EFCAB6: variants seen among roughly 807,000 people sequenced by gnomAD.
EFCAB6 encodes the protein EF-hand calcium-binding domain-containing protein 6.
A neutral mutation model predicts 169.8 loss-of-function variants in EFCAB6; 156 were observed. The ratio of observed to expected loss-of-function variants is 0.92; its 90% confidence interval spans 0.81 to 1.05. The LOEUF (loss-of-function observed/expected upper bound fraction) is 1.05, where lower values mean the gene tolerates loss of function less well. Among genes scored for constraint, EFCAB6 ranks in the 50% least tolerant of loss-of-function variants. EFCAB6 has a pLI of 0.00. For synonymous variants in EFCAB6, 698 were observed against 676.4 expected (o/e 1.03, Z -0.50); for missense variants, 1,800 against 1,829.1 (o/e 0.98, Z 0.29).
At chr22:43,620,100 T>C (rs142710006) in intron 20 of EFCAB6, among the ~76,000 whole-genome samples, 7 of 152,268 alleles carry the variant, frequency 4.6e-5, no homozygotes, top group African/African-American at 1.7e-4. Context: ...GGAGGATTGC[T>C]TGAACTCAGG....
chr22:43,713,576 T>C (rs948947646), intron 9 of EFCAB6, among the ~76,000 whole-genome samples: 5 of 152,102 alleles, frequency 3.3e-5, no homozygotes, highest in Admixed American at 1.3e-4. Flanking sequence ...ATACTGCCCA[T>C]TGAGCCTGAG....
At chr22:43,530,522 G>T (rs1484110586) in intron 31 of EFCAB6, 1 of 985,312 alleles carries the variant, frequency 1.0e-6, no homozygotes, top group East Asian at 1.1e-4. Flanking sequence ...AGCAGTGATG[G>T]CAGTGCCTTA....
Position 43,775,342 on chromosome 22 carries a change from G to A in EFCAB6, c.140-2239C>T, listed in dbSNP as rs879379690. Among the ~76,000 whole-genome samples, 4 of 152,268 alleles carry A rather than the reference G, an allele frequency of 2.6e-5. 1 individual carries two copies. Among genetic ancestry groups the A allele is most frequent in the South Asian group, 2.1e-4 (1 of 4,824 alleles). On this transcript the variant is annotated intron_variant, in intron 3 of 31. Coordinates refer to ENST00000262726, the MANE Select transcript of EFCAB6 (RefSeq NM_022785.4). ...GGGCATACGCTCCCCACTTGAATCC[G>A]GTGGGCCCATGACTATGGCAGAATG...
At chr22:43,540,457 G>C in intron 27 of EFCAB6, 100 bp from the exon 28 acceptor site, 1 of 1,587,384 alleles carries the variant, frequency 6.3e-7, no homozygotes, top group Non-Finnish European at 8.5e-7. Context: ...CTCGCAGGAG[G>C]TGAGCACTCA....
chr22:43,757,234 C>T (rs957238401), intron 5 of EFCAB6, among the ~76,000 whole-genome samples: 14 of 152,196 alleles, frequency 9.2e-5, no homozygotes, highest in African/African-American at 3.4e-4. Flanking sequence ...ATACAAAACG[C>T]TATTTGTAAA....
chr22:43,605,872 T>C (rs1033128385), intron 22 of EFCAB6, among the ~76,000 whole-genome samples: 3 of 152,234 alleles, frequency 2.0e-5, no homozygotes, highest in African/African-American at 7.2e-5. Flanking sequence ...TTTGAAAATG[T>C]AGATATTGCA....
intron 10 of EFCAB6, among the ~76,000 whole-genome samples, chr22:43,698,083 C>A (rs974616581): frequency 6.6e-6 from 1 of 152,100 alleles, no homozygotes; most frequent in African/African-American, 2.4e-5. Flanking sequence ...AGTCAGCTTC[C>A]CCAGAAAACT....
intron 2 of EFCAB6, among the ~76,000 whole-genome samples, chr22:43,806,208 G>T (rs1292611132): frequency 6.8e-6 from 1 of 146,898 alleles, no homozygotes; most frequent in Non-Finnish European, 1.5e-5. Flanking sequence ...GGAGGGGAGG[G>T]GAAGGGAAAA....
intron 24 of EFCAB6, among the ~76,000 whole-genome samples, chr22:43,588,120 A>G (rs2051198929): frequency 6.6e-6 from 1 of 152,198 alleles, no homozygotes; most frequent in African/African-American, 2.4e-5. Flanking sequence ...AGTTTTAAAG[A>G]TACTGACATT....
chr22:43,642,169 G>A (rs908282875), intron 17 of EFCAB6, among the ~76,000 whole-genome samples: 11 of 152,150 alleles, frequency 7.2e-5, no homozygotes, highest in East Asian at 3.9e-4. Flanking sequence ...TCAAACTCCC[G>A]ACCGCAGGTT....
At chr22:43,753,837 T>C (rs150637627) in intron 6 of EFCAB6, among the ~76,000 whole-genome samples, 92 of 152,308 alleles carry the variant, frequency 6.0e-4, no homozygotes, top group Non-Finnish European at 8.4e-4. Context: ...TTCAGAGACA[T>C]CTGCATGCAT....
intron 17 of EFCAB6, among the ~76,000 whole-genome samples, chr22:43,642,490 C>A (rs12157758): frequency 1.3e-5 from 2 of 152,144 alleles, no homozygotes; most frequent in Non-Finnish European, 2.9e-5. Flanking sequence ...GCTCCTCCCC[C>A]ACCTATACAC....
At position 43,734,482 on chromosome 22, in the gene EFCAB6, ACAGT is replaced by A. The variant is rs1373121945; in HGVS notation, c.644+1371_644+1374del. 3.3e-5 allele frequency among the ~76,000 whole-genome samples: 5 copies of A among 152,300 alleles called. No homozygotes were observed. In the East Asian group the frequency reaches 9.6e-4, roughly 29 times the overall value. ...CAATACTTATGAGATGGGGAAACAG[ACAGT>A]AACATTTTTTATAGATTTACTAGGT... is the stretch of plus-strand genomic sequence containing the variant. On this transcript the variant is annotated intron_variant, in intron 7 of 31. Transcript: ENST00000262726.
chr22:43,649,470 A>T (rs570234956), intron 17 of EFCAB6, among the ~76,000 whole-genome samples: 33 of 152,364 alleles, frequency 2.2e-4, no homozygotes, highest in Admixed American at 1.5e-3. Context: ...CAGTATTTTT[A>T]AAAAAGCAAA....
At chr22:43,729,159 A>C (rs1223028342) in intron 8 of EFCAB6, among the ~76,000 whole-genome samples, 2 of 152,126 alleles carry the variant, frequency 1.3e-5, no homozygotes, top group East Asian at 3.8e-4. Context: ...GCAAGAACCC[A>C]CTCATTACCA....
In EFCAB6 at chr22:43,563,085, G is replaced by C. The variant is rs986520517; in HGVS notation, c.3421-7989C>G. 2.6e-5 allele frequency among the ~76,000 whole-genome samples: 4 copies of C among 152,300 alleles called. No individual in the cohort carries two copies. In the Middle Eastern group the frequency reaches 0.01, roughly 389 times the overall value. ...CCTGCCCTTGTTCAGCGCCTCACAGGGTGCGCTCCTGAGCAGCAGGCAGCA... is the reference window on the plus strand; with the variant it reads ...CCTGCCCTTGTTCAGCGCCTCACAGCGTGCGCTCCTGAGCAGCAGGCAGCA... On this transcript the variant is annotated intron_variant, in intron 26 of 31. Coordinates refer to ENST00000262726, the MANE Select transcript of EFCAB6 (RefSeq NM_022785.4).
Position 43,716,567 on chromosome 22 carries a change from G to A in EFCAB6, c.882+281C>T, listed in dbSNP as rs560594547. On this transcript the variant is annotated intron_variant, in intron 9 of 31. Transcript: ENST00000262726. ...TTCACTTATTCATGTTTTCCTTTAC[G>A]TTACTCAATAACGTTGCATTATTTC... 188 of 375,616 alleles carry A rather than the reference G, an allele frequency of 5.0e-4. 2 individuals carry two copies. The highest frequency in any genetic ancestry group is 2.7e-3 in the Admixed American group (59 of 22,004). The allele number at this position is 375,616 out of a possible 1,614,324, so 23.3% of individuals were successfully genotyped here.
intron 2 of EFCAB6, among the ~76,000 whole-genome samples, 169 bp from the exon 3 acceptor site, chr22:43,782,494 AATC>A (rs1266377264): frequency 2.0e-5 from 3 of 152,222 alleles, no homozygotes; most frequent in Non-Finnish European, 4.4e-5. Flanking sequence ...TGAACACAAA[AATC>A]ATCATTTTGG....
chr22:43,722,404 G>A (rs945772419), intron 8 of EFCAB6, among the ~76,000 whole-genome samples: 8 of 151,782 alleles, frequency 5.3e-5, no homozygotes, highest in South Asian at 4.2e-4. Flanking sequence ...GGTGGCATGC[G>A]CCTGTAATCC....
Sources: gnomAD v4.1 joint callset for allele counts (sites outside exome capture counted in the v4.1 genomes callset) on GRCh38, gnomAD v4.1.1 for gene constraint, MANE v1.5 for transcripts, NCBI Gene and HGNC (gene_info 2026-07-23, HGNC 2026-07-21) for gene names.